The following SGCD variants were observed in gnomAD, a reference collection of about 807,000 sequenced individuals.
SGCD encodes sarcoglycan delta.
A neutral mutation model predicts 36.6 loss-of-function variants in SGCD; 18 were observed. The ratio of observed to expected loss-of-function variants is 0.49; its 90% CI spans 0.34 to 0.73. The LOEUF (loss-of-function observed/expected upper bound fraction) is 0.73. Ranked by LOEUF, SGCD falls within the 30% of genes least tolerant of loss-of-function variation. SGCD has a pLI of 0.01. For synonymous variants in SGCD, 133 were observed against 130.6 expected, an observed-to-expected ratio of 1.02 and a Z score of -0.12; for missense variants, 387 against 346.7, an observed-to-expected ratio of 1.12 and a Z score of -0.92.
chr5:155,775,880 T>G, the SGCD span, among the ~76,000 whole-genome samples: 1 of 152,054 alleles, frequency 6.6e-6, no homozygotes, highest in Non-Finnish European at 1.5e-5. Context: ...AGAAGTAGAG[T>G]GTTTTGTAGA....
chr5:156,294,156 A>C (rs1242633641), intron 3 of SGCD, among the ~76,000 whole-genome samples: 1 of 152,134 alleles, frequency 6.6e-6, no homozygotes, highest in African/African-American at 2.4e-5. Context: ...AGTGCATAAA[A>C]ATGCAAATGA....
chr5:156,616,299 A>G (rs1484847951), intron 6 of SGCD, among the ~76,000 whole-genome samples: 1 of 152,208 alleles, frequency 6.6e-6, no homozygotes, highest in African/African-American at 2.4e-5. Flanking sequence ...TCAGGATGAT[A>G]TAGTGTGCTG....
At chr5:155,764,545 G>A in the SGCD span, among the ~76,000 whole-genome samples, 2 of 152,110 alleles carry the variant, frequency 1.3e-5, no homozygotes, top group African/African-American at 4.8e-5. Context: ...CACTTTTCAT[G>A]GCAGATCAAA....
intron 3 of SGCD, among the ~76,000 whole-genome samples, chr5:156,503,009 G>A (rs984394839): frequency 6.6e-6 from 1 of 152,172 alleles, no homozygotes; most frequent in Non-Finnish European, 1.5e-5. Flanking sequence ...CTGATCATAA[G>A]CAAGAATAGG....
At chr5:155,805,921 C>G in the SGCD span, among the ~76,000 whole-genome samples, 1 of 152,100 alleles carries the variant, frequency 6.6e-6, no homozygotes, top group African/African-American at 2.4e-5. Flanking sequence ...GGAAACAAAC[C>G]AAGCTGGGAA....
intron 3 of SGCD, among the ~76,000 whole-genome samples, chr5:156,185,980 A>T (rs1244416304): frequency 2.7e-5 from 4 of 149,196 alleles, no homozygotes; most frequent in Admixed American, 6.8e-5. Flanking sequence ...TGCACCAAAG[A>T]TCTGTGATCG....
chr5:155,918,115 A>G (rs1036377644), intron 1 of SGCD, among the ~76,000 whole-genome samples: 1 of 152,158 alleles, frequency 6.6e-6, no homozygotes, highest in African/African-American at 2.4e-5. Flanking sequence ...TTCGTATTTC[A>G]CCTTCCTCAA....
At chr5:156,535,066 T>C (rs1321447259) in intron 4 of SGCD, among the ~76,000 whole-genome samples, 1 of 152,228 alleles carries the variant, frequency 6.6e-6, no homozygotes, top group East Asian at 1.9e-4. Context: ...CCAATTAAAA[T>C]AAAAATCTCT....
intron 3 of SGCD, among the ~76,000 whole-genome samples, chr5:156,296,928 A>G (rs1561606112): frequency 6.6e-6 from 1 of 151,984 alleles, no homozygotes; most frequent in Non-Finnish European, 1.5e-5. Flanking sequence ...ATGAACATTT[A>G]TATGCACATA....
chr5:156,155,901 C>T (rs1021562537), intron 3 of SGCD, among the ~76,000 whole-genome samples: 1 of 151,726 alleles, frequency 6.6e-6, no homozygotes, highest in Non-Finnish European at 1.5e-5. Flanking sequence ...ACAGGCAGCA[C>T]ACCTCTGAGA....
chr5:156,084,461 A>ATAGAT (rs1561713181), intron 1 of SGCD, among the ~76,000 whole-genome samples: 1 of 152,180 alleles, frequency 6.6e-6, no homozygotes, highest in African/African-American at 2.4e-5. Flanking sequence ...TCATCCAAGT[A>ATAGAT]CCAACCAGGC....
In SGCD at chr5:156,129,100, G is replaced by A. The variant is rs530074425; in HGVS notation, c.-44+5081G>A. Among the ~76,000 whole-genome samples the A allele has an allele frequency of 1.8e-3, 271 of 152,268 alleles. 4 individuals carry two copies. Among genetic ancestry groups the A allele is most frequent in the Middle Eastern group, 0.014 (4 of 294 alleles). ...CATGAGGGAAATTTCTAGGGTGATG[G>A]AAATGTTCTGTGTCTTGATATGCAT... is the stretch of plus-strand genomic sequence containing the variant. On this transcript the variant is annotated intron_variant, in intron 3 of 9. Coordinates refer to the SGCD transcript ENST00000517913.
chr5:156,751,051 G>A (rs910981611), intron 7 of SGCD, among the ~76,000 whole-genome samples: 5 of 152,066 alleles, frequency 3.3e-5, no homozygotes, highest in African/African-American at 7.2e-5. Context: ...CCCAAGAATC[G>A]CTAAGACATT....
intron 3 of SGCD, among the ~76,000 whole-genome samples, chr5:156,147,524 C>T (rs1165010542): frequency 6.6e-6 from 1 of 152,164 alleles, no homozygotes; most frequent in East Asian, 1.9e-4. Flanking sequence ...TTTCTTGCTG[C>T]ATCACTCCCC....
chr5:155,777,308 G>T, the SGCD span, among the ~76,000 whole-genome samples: 2 of 150,584 alleles, frequency 1.3e-5, no homozygotes, highest in Admixed American at 1.3e-4. Flanking sequence ...TTTATTCTCT[G>T]CACTTTAGCT....
At chr5:155,849,446 G>GCGCACACACA in the SGCD span, among the ~76,000 whole-genome samples, 185 of 149,922 alleles carry the variant, frequency 1.2e-3, 1 homozygote, top group South Asian at 0.012. Flanking sequence ...ATGTGCGCGC[G>GCGCACACACA]CACACACACA....
chr5:156,482,468 G>A (rs745473810), intron 3 of SGCD, among the ~76,000 whole-genome samples: 5 of 151,996 alleles, frequency 3.3e-5, no homozygotes, highest in South Asian at 2.1e-4. Context: ...CTATAACTTC[G>A]TTTTTTTCTC....
intron 3 of SGCD, among the ~76,000 whole-genome samples, chr5:156,391,247 A>C (rs1771544614): frequency 6.6e-6 from 1 of 152,266 alleles, no homozygotes; most frequent in South Asian, 2.1e-4. Context: ...TTTATAGCCT[A>C]TGAGCAATAA....
intron 3 of SGCD, among the ~76,000 whole-genome samples, chr5:156,474,547 C>T (rs568281798): frequency 1.3e-5 from 2 of 152,174 alleles, no homozygotes; most frequent in Non-Finnish European, 2.9e-5. Flanking sequence ...CCAAGCTTGC[C>T]GACAGCTCTC....
Sources: gnomAD v4.1 joint callset for allele counts (sites outside exome capture counted in the v4.1 genomes callset) on GRCh38, gnomAD v4.1.1 for gene constraint, MANE v1.5 for transcripts, NCBI Gene and HGNC (gene_info 2026-07-23, HGNC 2026-07-21) for gene names.